Variants in CA4 observed in about 807,000 individuals in gnomAD.
CA4 encodes the protein CA-IV.
Under a neutral mutation model 34.5 loss-of-function variants are expected in CA4, and 24 were observed. The ratio of observed to expected loss-of-function variants is 0.70; its 90% CI spans 0.50 to 0.98. The LOEUF (loss-of-function observed/expected upper bound fraction) is 0.98. CA4 is among the 50% of genes least tolerant of loss of function. The probability of loss-of-function intolerance (pLI) is 0.00; values close to 1 mark genes in which losing one functional copy is unlikely to be tolerated. For synonymous variants in CA4, 178 were observed against 170.6 expected, an observed-to-expected ratio of 1.04 and a Z score of -0.34; for missense variants, 394 against 396.7, an observed-to-expected ratio of 0.99 and a Z score of 0.06.
chr17:60,160,976 A>G (rs893330461), downstream of CA4, among the ~76,000 whole-genome samples: 1 of 151,230 alleles, frequency 6.6e-6, no homozygotes, highest in African/African-American at 2.4e-5. Flanking sequence ...ATTGGTTTGG[A>G]GCAGGGAGGG....
At chr17:60,176,942 CAG>C in the CA4 span, among the ~76,000 whole-genome samples, 1 of 152,222 alleles carries the variant, frequency 6.6e-6, no homozygotes, top group Non-Finnish European at 1.5e-5. Context: ...GCTGATCTAA[CAG>C]AGGCAGAGCT....
intron 3 of CA4, among the ~76,000 whole-genome samples, 199 bp from the exon 4 acceptor site, chr17:60,157,228 G>A (rs1305772639): frequency 1.3e-5 from 2 of 152,230 alleles, no homozygotes. Flanking sequence ...AGGCAGGCAG[G>A]GAGACCAAGG....
At chr17:60,162,883 C>T (rs1022523469), downstream of CA4, among the ~76,000 whole-genome samples, 2 of 152,194 alleles carry the variant, frequency 1.3e-5, no homozygotes, top group South Asian at 2.1e-4. Flanking sequence ...CCGGCTCTCT[C>T]CTTTGGCTGA....
intron 5 of CA4, among the ~76,000 whole-genome samples, chr17:60,169,262 A>AAAGC (rs1555574044): frequency 6.7e-5 from 10 of 149,660 alleles, no homozygotes; most frequent in African/African-American, 2.5e-4. Context: ...AAAAAAAAAA[A>AAAGC]AGCAGCAGCA....
At chr17:60,162,311 C>T (rs774100104), downstream of CA4, among the ~76,000 whole-genome samples, 3 of 152,118 alleles carry the variant, frequency 2.0e-5, no homozygotes, top group Non-Finnish European at 4.4e-5. Context: ...GTGTTCATGA[C>T]GAGCTTCCTG....
intron 2 of CA4, 103 bp downstream of exon 2, chr17:60,155,470 C>T: frequency 6.1e-6 from 5 of 821,390 alleles, no homozygotes; most frequent in Non-Finnish European, 1.0e-5. Flanking sequence ...GTGATGGTGG[C>T]TTCCCAGGCA....
Position 60,159,328 on chromosome 17 carries a change from G to GAT in CA4, c.845_846dup (p.Lys283Ter). 6.2e-7 allele frequency: 1 copy of GAT among 1,609,316 alleles called. No homozygotes were observed. The highest frequency in any genetic ancestry group is 1.1e-5 in the South Asian group (1 of 90,412). The stretch of plus-strand genomic sequence containing the variant: ...TGCAGCAGCTGGGGCAGCGCACGGT[G>GAT]ATAAAGTCCGGGGCCCCGGGTCGGC... On this transcript the variant is annotated frameshift_variant, in exon 8 of 8. Coordinates refer to ENST00000300900, the MANE Select transcript of CA4 (RefSeq NM_000717.5). LOFTEE classifies it low-confidence loss of function (END_TRUNC).
chr17:60,153,268 G>A (rs1438156511), intron 1 of CA4, among the ~76,000 whole-genome samples: 1 of 152,156 alleles, frequency 6.6e-6, no homozygotes, highest in African/African-American at 2.4e-5. Flanking sequence ...AAACTGGGAA[G>A]TGGAGGTTGC....
intron 1 of CA4, among the ~76,000 whole-genome samples, chr17:60,150,339 T>C (rs2083568206): frequency 6.6e-6 from 1 of 152,072 alleles, no homozygotes; most frequent in Non-Finnish European, 1.5e-5. Context: ...TGAGGGTGTG[T>C]GCGCGTGGCC....
intron 1 of CA4, among the ~76,000 whole-genome samples, chr17:60,151,274 G>A (rs1363769543): frequency 2.0e-5 from 3 of 152,110 alleles, no homozygotes; most frequent in Non-Finnish European, 4.4e-5. Context: ...TCAAAGCGGC[G>A]GAGTGAGGGG....
chr17:60,160,373 T>C (rs2083771963), downstream of CA4, among the ~76,000 whole-genome samples: 1 of 152,204 alleles, frequency 6.6e-6, no homozygotes, highest in Non-Finnish European at 1.5e-5. Flanking sequence ...ATGCCTGCCC[T>C]CCTGGAGTTC....
At chr17:60,164,144 TCCTCCCTC>T (rs770995303), downstream of CA4, among the ~76,000 whole-genome samples, 2,005 of 147,114 alleles carry the variant, frequency 0.014, 54 homozygotes, top group African/African-American at 0.049. Context: ...TAATCTTCCT[TCCTCCCTC>T]CCTCCCTCCC....
At chr17:60,165,824 C>T (rs538513084) in intron 5 of CA4, among the ~76,000 whole-genome samples, 1 of 150,968 alleles carries the variant, frequency 6.6e-6, no homozygotes, top group South Asian at 2.1e-4. Context: ...AGATAAATAA[C>T]AAATCTCTTT....
At chr17:60,177,140 T>C in the CA4 span, among the ~76,000 whole-genome samples, 1 of 152,168 alleles carries the variant, frequency 6.6e-6, no homozygotes, top group South Asian at 2.1e-4. Context: ...AGAAAGAAAT[T>C]ATTCAAGTAG....
At chr17:60,162,353 TCCA>T (rs2145292076), downstream of CA4, among the ~76,000 whole-genome samples, 3 of 152,178 alleles carry the variant, frequency 2.0e-5, no homozygotes, top group South Asian at 6.2e-4. Flanking sequence ...CCATGCGGCC[TCCA>T]CCACCCCCAG....
the CA4 span, among the ~76,000 whole-genome samples, chr17:60,178,046 A>T: frequency 6.6e-6 from 1 of 152,226 alleles, no homozygotes; most frequent in Non-Finnish European, 1.5e-5. Flanking sequence ...GTAAGCAAAG[A>T]AACATAACTT....
downstream of CA4, among the ~76,000 whole-genome samples, chr17:60,175,668 C>CAAAAA (rs150949660): frequency 5.8e-4 from 47 of 81,536 alleles, 1 homozygote; most frequent in African/African-American, 1.9e-3. Context: ...AACTCCGTCT[C>CAAAAA]AAAAAAAAAA....
intron 3 of CA4, chr17:60,156,934 G>T (rs993362882): frequency 3.3e-6 from 2 of 613,260 alleles, no homozygotes; most frequent in East Asian, 5.6e-5. Context: ...GGCAGGAAAC[G>T]TTCCAGGAAG....
intron 5 of CA4, among the ~76,000 whole-genome samples, chr17:60,164,871 A>G (rs983584846): frequency 1.2e-4 from 19 of 152,068 alleles, no homozygotes; most frequent in Non-Finnish European, 2.8e-4. Flanking sequence ...ACATCCGGGC[A>G]TGCAGCCCAG....
Sources: allele counts gnomAD v4.1 joint callset (sites outside exome capture counted in the v4.1 genomes callset), GRCh38; gene constraint gnomAD v4.1.1; transcripts MANE v1.5; gene names NCBI Gene and HGNC (gene_info 2026-07-23, HGNC 2026-07-21).